Variants in FAM13B observed in about 807,000 individuals in gnomAD.
FAM13B encodes the protein protein FAM13B.
Under a neutral mutation model 117.3 loss-of-function variants are expected in FAM13B, and 60 were observed. The observed-to-expected ratio is 0.51, with a 90% CI of 0.42 to 0.63. The LOEUF (loss-of-function observed/expected upper bound fraction) is 0.63. Among genes scored for constraint, FAM13B ranks in the 30% least tolerant of loss-of-function variants. FAM13B has a pLI of 0.00. For synonymous variants in FAM13B, 332 were observed against 356.1 expected (o/e 0.93, Z 0.76); for missense variants, 972 against 1,091.9 (o/e 0.89, Z 1.55).
intron 7 of FAM13B, among the ~76,000 whole-genome samples, chr5:138,002,968 C>T (rs930885765): frequency 2.6e-5 from 4 of 151,994 alleles, no homozygotes; most frequent in South Asian, 2.1e-4. Flanking sequence ...GCCACCGCGC[C>T]GGGCCTGTTC....
chr5:137,979,401 T>C (rs1244593956), intron 10 of FAM13B, among the ~76,000 whole-genome samples: 2 of 152,164 alleles, frequency 1.3e-5, no homozygotes, highest in Non-Finnish European at 2.9e-5. Context: ...CACAAACTTT[T>C]TATGACTACT....
intron 7 of FAM13B, among the ~76,000 whole-genome samples, chr5:138,000,767 T>C (rs1190927297): frequency 6.6e-6 from 1 of 151,718 alleles, no homozygotes. Flanking sequence ...CCCATCCCTA[T>C]TAAGATTACA....
At position 137,959,696 on chromosome 5, in the gene FAM13B, A is replaced by G. The variant is rs1293478150; in HGVS notation, c.1361T>C (p.Val454Ala). The G allele has an allele frequency of 6.2e-7, 1 of 1,613,958 alleles. No individual in the cohort carries two copies. The highest frequency in any genetic ancestry group is 8.5e-7 in the Non-Finnish European group (1 of 1,179,850). Reference protein sequence around the residue: ...TESEVPGGQSVGVQGEAACVS... With the variant: ...TESEVPGGQSAGVQGEAACVS... Reference sequence around the variant, plus strand: ...ACACGCTGCTTCCCCTTGAACACCAACACTCTGACCTCCTGGTACTTCTGA... The same window carrying G: ...ACACGCTGCTTCCCCTTGAACACCAGCACTCTGACCTCCTGGTACTTCTGA... Residue 454 changes from valine to alanine, a missense_variant, in exon 13 of 24, where the codon GTT becomes GCT. Physicochemically the swap from Val to Ala is moderately conservative, Grantham distance 64. Coordinates refer to ENST00000689681, the MANE Select transcript of FAM13B (RefSeq NM_001385994.1).
chr5:138,019,248 T>A, intron 2 of FAM13B, 102 bp from the exon 3 acceptor site: 2 of 1,002,166 alleles, frequency 2.0e-6, no homozygotes, highest in South Asian at 1.7e-5. Context: ...TGTGTTCTCA[T>A]CTATTTAAAT....
chr5:138,001,408 A>G (rs975042523), intron 7 of FAM13B, among the ~76,000 whole-genome samples: 1 of 152,228 alleles, frequency 6.6e-6, no homozygotes, highest in Non-Finnish European at 1.5e-5. Context: ...TAGATAATCA[A>G]ACAATATATT....
chr5:137,987,546 C>T lies in FAM13B; in HGVS notation c.961G>A (p.Asp321Asn). ...CTTTGCTGTTGTAAATTCTTAAGAT[C>T]ATGATCTATGCTGCTCTGAAGATCA... ...LFDLQSSIDH[D>N]LKNLQQQSVV... The change falls in exon 9 of 24, where the codon GAT becomes AAT. Residue 321 changes from aspartate (D) to asparagine (N), a missense_variant. Asp to Asn is a conservative substitution (Grantham distance 23). Transcript: ENST00000689681. 1 of 1,613,534 alleles carries T rather than the reference C, an allele frequency of 6.2e-7. No homozygotes were observed. The highest frequency in any genetic ancestry group is 8.5e-7 in the Non-Finnish European group (1 of 1,179,704).
intron 5 of FAM13B, among the ~76,000 whole-genome samples, chr5:138,011,422 CTT>C (rs1215771958): frequency 1.4e-5 from 2 of 144,960 alleles, no homozygotes; most frequent in African/African-American, 2.5e-5. Context: ...TCTAATTTTT[CTT>C]TTTTTTTTTT....
chr5:137,956,549 A>G lies in FAM13B; in HGVS notation c.1442-7T>C. 1 of 1,577,858 alleles carries G rather than the reference A, an allele frequency of 6.3e-7. No homozygotes were observed. The highest frequency in any genetic ancestry group is 8.6e-7 in the Non-Finnish European group (1 of 1,159,994). ...AAAGTGATAGGGCATGACGCTAATA[A>G]AATGGAAAAAATGGCAAAAAATACT... On this transcript the variant is annotated splice_polypyrimidine_tract_variant and splice_region_variant and intron_variant, in intron 13 of 23. Transcript: ENST00000689681.
intron 7 of FAM13B, among the ~76,000 whole-genome samples, chr5:137,991,611 C>T (rs1778620433): frequency 1.3e-5 from 2 of 152,014 alleles, no homozygotes; most frequent in South Asian, 4.1e-4. Flanking sequence ...AATAGGCAGA[C>T]AGAAAAGAAA....
chr5:138,003,298 A>G (rs1581224362), intron 7 of FAM13B, among the ~76,000 whole-genome samples: 1 of 152,330 alleles, frequency 6.6e-6, no homozygotes, highest in East Asian at 1.9e-4. Flanking sequence ...GAGTTAAATT[A>G]TTAACATTTT....
intron 1 of FAM13B, among the ~76,000 whole-genome samples, chr5:138,023,859 C>T (rs1203063441): frequency 6.6e-6 from 1 of 152,186 alleles, no homozygotes; most frequent in Middle Eastern, 3.2e-3. Context: ...CATGCCCGGC[C>T]TCAAAGTCTT....
chr5:138,043,940 A>G (rs1019661007), intron 1 of FAM13B, among the ~76,000 whole-genome samples: 2 of 151,648 alleles, frequency 1.3e-5, no homozygotes, highest in African/African-American at 4.8e-5. Flanking sequence ...TTTATTAGAG[A>G]AAGTGTCTCA....
At chr5:137,954,610 C>T (rs1184469324) in intron 14 of FAM13B, 2 of 172,566 alleles carry the variant, frequency 1.2e-5, no homozygotes, top group African/African-American at 6.0e-5. Context: ...CTTTTTAGTC[C>T]AGAGTTCAAT....
At chr5:137,977,734 G>A (rs1774431587) in intron 10 of FAM13B, among the ~76,000 whole-genome samples, 3 of 152,108 alleles carry the variant, frequency 2.0e-5, no homozygotes, top group Admixed American at 2.0e-4. Context: ...TCCACACACT[G>A]CAGCTTCTAC....
intron 7 of FAM13B, among the ~76,000 whole-genome samples, chr5:137,996,778 A>C (rs1393995959): frequency 2.0e-5 from 3 of 152,118 alleles, no homozygotes; most frequent in Non-Finnish European, 4.4e-5. Context: ...TCTTTAGTAC[A>C]GACGGGGTTT....
intron 10 of FAM13B, among the ~76,000 whole-genome samples, chr5:137,980,831 G>C (rs1333204503): frequency 2.6e-5 from 4 of 152,028 alleles, no homozygotes; most frequent in Non-Finnish European, 5.9e-5. Flanking sequence ...ATCAACAAAT[G>C]CTTAATGAAT....
intron 1 of FAM13B, among the ~76,000 whole-genome samples, chr5:138,024,832 G>A (rs1055573381): frequency 2.4e-5 from 3 of 127,194 alleles, no homozygotes; most frequent in South Asian, 5.3e-4. Context: ...GAGAGAGAGA[G>A]AGAAAGAGAG....
chr5:138,016,926 G>A (rs1239874410), intron 4 of FAM13B, among the ~76,000 whole-genome samples: 1 of 151,862 alleles, frequency 6.6e-6, no homozygotes, highest in East Asian at 1.9e-4. Flanking sequence ...TATTGGTTTC[G>A]GTTCATATTT....
At chr5:138,000,616 T>A (rs1780983310) in intron 7 of FAM13B, among the ~76,000 whole-genome samples, 1 of 152,010 alleles carries the variant, frequency 6.6e-6, no homozygotes, top group Admixed American at 6.6e-5. Flanking sequence ...CATAAATAGT[T>A]ACATTTTAGC....
Sources: gnomAD v4.1 joint callset for allele counts (sites outside exome capture counted in the v4.1 genomes callset) on GRCh38, gnomAD v4.1.1 for gene constraint, MANE v1.5 for transcripts, NCBI Gene and HGNC (gene_info 2026-07-23, HGNC 2026-07-21) for gene names.